Variants in KIAA0825 observed in about 807,000 individuals in gnomAD.
KIAA0825 encodes the protein uncharacterized protein KIAA0825.
Under a neutral mutation model 147.6 loss-of-function variants are expected in KIAA0825, and 119 were observed. That is an observed-to-expected ratio of 0.81 (90% CI 0.69 to 0.94). The LOEUF is 0.94. KIAA0825 is among the 40% of genes least tolerant of loss of function. The pLI is 0.00. For missense variants in KIAA0825, 1,381 were observed against 1,472.7 expected, an observed-to-expected ratio of 0.94 and a Z score of 1.02; for synonymous variants, 470 against 518.1, an observed-to-expected ratio of 0.91 and a Z score of 1.26.
At chr5:94,274,634 A>G (rs1584000492) in intron 20 of KIAA0825, among the ~76,000 whole-genome samples, 1 of 152,128 alleles carries the variant, frequency 6.6e-6, no homozygotes, top group East Asian at 1.9e-4. Context: ...TGGCATGCTA[A>G]TAATCTATAA....
In KIAA0825 at chr5:94,520,700, A is replaced by T; in HGVS notation, c.518T>A (p.Val173Glu). 3 of 1,613,426 alleles carry T rather than the reference A, an allele frequency of 1.9e-6. No individual in the cohort carries two copies. Among genetic ancestry groups the T allele is most frequent in the Non-Finnish European group, 2.5e-6 (3 of 1,179,478 alleles). The change falls in exon 5 of 21, where the codon GTG becomes GAG. Residue 173 changes from valine to glutamate, a missense_variant. Val to Glu is a moderately radical substitution (Grantham distance 121). Coordinates refer to ENST00000682413, the MANE Select transcript of KIAA0825 (RefSeq NM_001145678.3). ...TTCATTATGGCTTTGTAATTTGCTC[A>T]CTAAGAAGCGTCGAAGATGCAGTCT... The part of the protein sequence containing the change: ...DIRLHLRRFL[V>E]SKLQSHNEIN...
At chr5:94,281,056 T>C (rs1180823666) in intron 20 of KIAA0825, among the ~76,000 whole-genome samples, 2 of 152,144 alleles carry the variant, frequency 1.3e-5, no homozygotes, top group African/African-American at 4.8e-5. Context: ...TTTTGTTTGC[T>C]TTAGTAGATT....
chr5:94,406,356 A>G (rs754738490), intron 15 of KIAA0825, among the ~76,000 whole-genome samples: 1 of 152,192 alleles, frequency 6.6e-6, no homozygotes, highest in Non-Finnish European at 1.5e-5. Context: ...AATTTTACAT[A>G]TATCTAGAAT....
intron 20 of KIAA0825, among the ~76,000 whole-genome samples, chr5:94,166,119 A>G (rs1768006210): frequency 6.6e-6 from 1 of 152,194 alleles, no homozygotes; most frequent in Non-Finnish European, 1.5e-5. Context: ...CATGTACCCC[A>G]TAAATATATA....
At chr5:94,471,267 A>T (rs539718118) in intron 9 of KIAA0825, among the ~76,000 whole-genome samples, 199 bp downstream of exon 9, 2 of 149,588 alleles carry the variant, frequency 1.3e-5, no homozygotes, top group African/African-American at 2.5e-5. Flanking sequence ...GTACTATCTT[A>T]CTATCTATGT....
chr5:94,482,601 G>A (rs1762612699), intron 6 of KIAA0825, among the ~76,000 whole-genome samples: 1 of 151,984 alleles, frequency 6.6e-6, no homozygotes. Flanking sequence ...TTTCCTTCCT[G>A]ATTTAAGAAA....
At chr5:94,167,150 C>T (rs1009178963) in intron 20 of KIAA0825, among the ~76,000 whole-genome samples, 1 of 152,112 alleles carries the variant, frequency 6.6e-6, no homozygotes, top group Non-Finnish European at 1.5e-5. Context: ...GAGACCTACC[C>T]TCTTTCTGAT....
intron 20 of KIAA0825, among the ~76,000 whole-genome samples, chr5:94,256,975 T>C (rs1390541555): frequency 6.6e-6 from 1 of 152,150 alleles, no homozygotes; most frequent in Non-Finnish European, 1.5e-5. Context: ...CTCGTTCAAT[T>C]TAGTTGTTTT....
chr5:94,473,511 T>A lies in KIAA0825; in HGVS notation c.1236A>T (p.Leu412Phe). 1 of 1,548,080 alleles carries A rather than the reference T, an allele frequency of 6.5e-7. No homozygotes were observed. Residue 412 changes from leucine (L) to phenylalanine (F), a missense_variant, in exon 8 of 21, where the codon TTA becomes TTT. Transcript: ENST00000682413. ...ATGCACTTCTCCAGCCAAAATCTAG[T>A]AAGGTAGCCTGAAATATCAATGTAT... ...EQSLPGKEAT[L>F]LDFGWRSAFK...
intron 1 of KIAA0825, among the ~76,000 whole-genome samples, chr5:94,595,310 A>G (rs533451052): frequency 6.6e-6 from 1 of 152,198 alleles, no homozygotes; most frequent in Non-Finnish European, 1.5e-5. Context: ...TCAAAGCTCA[A>G]TTCTTTACTT....
At chr5:94,560,535 T>A (rs1231239557) in intron 2 of KIAA0825, among the ~76,000 whole-genome samples, 2 of 152,018 alleles carry the variant, frequency 1.3e-5, no homozygotes, top group East Asian at 1.9e-4. Context: ...AAAATAAAAA[T>A]CAAACAAAAA....
intron 20 of KIAA0825, among the ~76,000 whole-genome samples, chr5:94,218,174 C>G (rs1773365882): frequency 1.3e-5 from 2 of 152,132 alleles, no homozygotes; most frequent in South Asian, 4.1e-4. Context: ...AATATTGGAG[C>G]AATAATGACA....
At chr5:94,241,389 A>G (rs1284424007) in intron 20 of KIAA0825, among the ~76,000 whole-genome samples, 1 of 152,188 alleles carries the variant, frequency 6.6e-6, no homozygotes, top group African/African-American at 2.4e-5. Flanking sequence ...ACATCACGAC[A>G]GGATCAAAGC....
At chr5:94,311,145 A>G (rs893098915) in intron 20 of KIAA0825, among the ~76,000 whole-genome samples, 2 of 151,588 alleles carry the variant, frequency 1.3e-5, no homozygotes, top group African/African-American at 4.8e-5. Flanking sequence ...ATTCTCTAAG[A>G]GTATTAAAGA....
At chr5:94,381,651 C>T (rs1748428603) in intron 20 of KIAA0825, among the ~76,000 whole-genome samples, 1 of 152,186 alleles carries the variant, frequency 6.6e-6, no homozygotes, top group Admixed American at 6.5e-5. Flanking sequence ...ATTGTGTTAT[C>T]AGCTTTCAAA....
At chr5:94,261,279 A>G (rs1473322129) in intron 20 of KIAA0825, among the ~76,000 whole-genome samples, 3 of 152,158 alleles carry the variant, frequency 2.0e-5, no homozygotes, top group Non-Finnish European at 2.9e-5. Flanking sequence ...CTCTAGAGCC[A>G]GGGTGATGGA....
intron 20 of KIAA0825, among the ~76,000 whole-genome samples, chr5:94,183,417 T>A (rs1769844189): frequency 6.6e-6 from 1 of 152,180 alleles, no homozygotes. Flanking sequence ...TAGTCTCTGG[T>A]TCCTGATAAA....
At chr5:94,346,865 G>A (rs1036525169) in intron 20 of KIAA0825, among the ~76,000 whole-genome samples, 1 of 152,180 alleles carries the variant, frequency 6.6e-6, no homozygotes, top group African/African-American at 2.4e-5. Context: ...ACAGGTGGGG[G>A]ACGAACCAAG....
chr5:94,155,402 A>G (rs2149902771), intron 20 of KIAA0825, among the ~76,000 whole-genome samples: 1 of 150,856 alleles, frequency 6.6e-6, no homozygotes, highest in East Asian at 2.0e-4. Flanking sequence ...AATTTTTTGT[A>G]GAGACAGGGT....
Sources: allele counts gnomAD v4.1 joint callset (sites outside exome capture counted in the v4.1 genomes callset), GRCh38; gene constraint gnomAD v4.1.1; transcripts MANE v1.5; gene names NCBI Gene and HGNC (gene_info 2026-07-23, HGNC 2026-07-21).